EYS: variants seen among roughly 807,000 people sequenced by gnomAD.
EYS encodes the protein protein eyes shut homolog.
A neutral mutation model predicts 282.1 loss-of-function variants in EYS; 250 were observed. The observed-to-expected ratio is 0.89, with a 90% CI of 0.80 to 0.98. The LOEUF (loss-of-function observed/expected upper bound fraction) is 0.98, where lower values mean the gene tolerates loss of function less well. Among genes scored for constraint, EYS ranks in the 50% least tolerant of loss-of-function variants. The pLI is 0.00. For missense variants in EYS, 4,016 were observed against 3,709.0 expected (o/e 1.08, Z -2.15); for synonymous variants, 1,355 against 1,282.9 (o/e 1.06, Z -1.20).
At chr6:64,808,018 T>TTCCTCCCTCCC (rs1764487564) in intron 22 of EYS, among the ~76,000 whole-genome samples, 1 of 148,140 alleles carries the variant, frequency 6.8e-6, no homozygotes, top group African/African-American at 2.5e-5. Context: ...CCCTCCCTCC[T>TTCCTCCCTCCC]TCCTTCCTCC....
At chr6:64,379,466 T>C (rs1772674233) in intron 29 of EYS, 2 of 152,190 alleles carry the variant, frequency 1.3e-5, no homozygotes, top group East Asian at 1.9e-4. Flanking sequence ...TCTATTAACA[T>C]AGAAAAAAGT....
At chr6:64,117,962 T>C (rs1216642055) in intron 31 of EYS, among the ~76,000 whole-genome samples, 2 of 151,728 alleles carry the variant, frequency 1.3e-5, no homozygotes, top group African/African-American at 2.4e-5. Flanking sequence ...GCTATAAAAA[T>C]ACCTAAGACC....
chr6:64,461,682 G>A (rs941895327), intron 26 of EYS, among the ~76,000 whole-genome samples: 4 of 152,106 alleles, frequency 2.6e-5, no homozygotes, highest in Non-Finnish European at 5.9e-5. Flanking sequence ...CTGATCGAGA[G>A]CAATAATTTT....
At chr6:64,961,614 A>C (rs2150106210) in intron 14 of EYS, among the ~76,000 whole-genome samples, 1 of 152,236 alleles carries the variant, frequency 6.6e-6, no homozygotes, top group Middle Eastern at 3.4e-3. Context: ...ATGTTTTTCA[A>C]AAAATGCATG....
chr6:64,073,227 T>A (rs1437259431), intron 32 of EYS, among the ~76,000 whole-genome samples: 1 of 151,906 alleles, frequency 6.6e-6, no homozygotes, highest in Non-Finnish European at 1.5e-5. Flanking sequence ...TAACAACAAT[T>A]CGTGGTTTTA....
chr6:64,968,789 C>T (rs1770188638), intron 14 of EYS, among the ~76,000 whole-genome samples: 1 of 151,984 alleles, frequency 6.6e-6, no homozygotes. Flanking sequence ...GCTTCCCAGA[C>T]TGTTGGCAGT....
At position 64,776,402 on chromosome 6, in the gene EYS, G is replaced by T. The variant is rs377210862; in HGVS notation, c.3443+36976C>A. On this transcript the variant is annotated intron_variant, in intron 22 of 42. Coordinates refer to ENST00000503581, the MANE Select transcript of EYS (RefSeq NM_001142800.2). ...ACGCCAATCTATAACACCAGACAAAGATTTTTCACTGTGCTGCAGGTTTTA... is the reference window on the plus strand; with the variant it reads ...ACGCCAATCTATAACACCAGACAAATATTTTTCACTGTGCTGCAGGTTTTA... Among the ~76,000 whole-genome samples the T allele has an allele frequency of 2.6e-5, 4 of 152,060 alleles. No individual in the cohort carries two copies. In the East Asian group the frequency reaches 5.8e-4, roughly 22 times the overall value.
intron 36 of EYS, chr6:63,857,719 C>T (rs767389496): frequency 2.5e-6 from 1 of 397,104 alleles, no homozygotes; most frequent in Non-Finnish European, 5.1e-6. Context: ...TTTTTGCCAT[C>T]CAATGCTTTG....
At chr6:64,444,593 C>T (rs941039774) in intron 26 of EYS, among the ~76,000 whole-genome samples, 1 of 152,092 alleles carries the variant, frequency 6.6e-6, no homozygotes, top group African/African-American at 2.4e-5. Flanking sequence ...TGAGAGTATG[C>T]TGGATTTATC....
chr6:65,454,855 T>C lies in EYS; in HGVS notation c.862+35739A>G, dbSNP rs935208494. Among the ~76,000 whole-genome samples, 8 of 152,144 alleles carry C rather than the reference T, an allele frequency of 5.3e-5. No homozygotes were observed. The South Asian group carries it at 1.2e-3, about 24-fold the overall frequency. ...TTTCTGGGATCCCTATTGTGTTCCATTGATTCATGTATCTGTTTTTATGCC... is the reference window on the plus strand; with the variant it reads ...TTTCTGGGATCCCTATTGTGTTCCACTGATTCATGTATCTGTTTTTATGCC... On this transcript the variant is annotated intron_variant, in intron 5 of 42. Coordinates refer to ENST00000503581, the MANE Select transcript of EYS (RefSeq NM_001142800.2).
chr6:64,742,545 C>T lies in EYS; in HGVS notation c.3443+70833G>A, dbSNP rs78305459. ...AAGTTTGACTGTACTTAAAACTGAT[C>T]GAGAGAGTAGAATTTATGTTAAATG... On this transcript the variant is annotated intron_variant, in intron 22 of 42. Coordinates refer to ENST00000503581, the MANE Select transcript of EYS (RefSeq NM_001142800.2). Among the ~76,000 whole-genome samples, 823 of 152,056 alleles carry T rather than the reference C, an allele frequency of 5.4e-3. 6 individuals are homozygous for T. Among genetic ancestry groups the T allele is most frequent in the African/African-American group, 0.019 (782 of 41,472 alleles).
intron 13 of EYS, among the ~76,000 whole-genome samples, chr6:65,013,705 T>C (rs1354132588): frequency 6.6e-6 from 1 of 151,956 alleles, no homozygotes; most frequent in Non-Finnish European, 1.5e-5. Flanking sequence ...GTGAGACCCC[T>C]AGAGGTGGTG....
At chr6:64,856,648 T>C (rs773312147) in intron 19 of EYS, among the ~76,000 whole-genome samples, 12 of 152,148 alleles carry the variant, frequency 7.9e-5, no homozygotes, top group Admixed American at 1.3e-4. Context: ...TAAGAGTTAT[T>C]TGTGTATTTT....
At chr6:65,316,972 C>G (rs940740203) in intron 11 of EYS, among the ~76,000 whole-genome samples, 1 of 152,098 alleles carries the variant, frequency 6.6e-6, no homozygotes, top group South Asian at 2.1e-4. Context: ...GAACCAGCAT[C>G]ATTTGTTGAA....
chr6:64,394,838 A>G (rs1773301398), intron 28 of EYS, among the ~76,000 whole-genome samples: 1 of 152,220 alleles, frequency 6.6e-6, no homozygotes. Flanking sequence ...ATCAGAGTGA[A>G]CAGGCAACTG....
intron 1 of EYS, among the ~76,000 whole-genome samples, chr6:65,669,070 TATG>T (rs1051915089): frequency 1.1e-4 from 17 of 152,118 alleles, no homozygotes; most frequent in African/African-American, 3.4e-4. Flanking sequence ...TATATATGGT[TATG>T]ATGTTATCTA....
At chr6:64,306,886 C>T (rs1256364530) in intron 30 of EYS, 84 bp downstream of exon 30, 3 of 722,120 alleles carry the variant, frequency 4.2e-6, no homozygotes, top group Non-Finnish European at 7.2e-6. Flanking sequence ...GTGCAGCCTT[C>T]ATTAGATTAT....
Position 63,739,504 on chromosome 6 carries a change from G to A in EYS, c.8072-12824C>T, listed in dbSNP as rs564217002. Among the ~76,000 whole-genome samples, 3 of 152,230 alleles carry A rather than the reference G, an allele frequency of 2.0e-5. No individual in the cohort carries two copies. The South Asian group carries it at 6.2e-4, about 32-fold the overall frequency. Reference sequence around the variant, plus strand: ...AGGTGGTGTAACCTTGGACAAGGCAGCTCTCTTCAGTCCTCGTGAGGGACT... The same window carrying A: ...AGGTGGTGTAACCTTGGACAAGGCAACTCTCTTCAGTCCTCGTGAGGGACT... On this transcript the variant is annotated intron_variant, in intron 41 of 42. Coordinates refer to ENST00000503581, the MANE Select transcript of EYS (RefSeq NM_001142800.2).
chr6:65,221,854 C>A (rs841547), intron 12 of EYS, among the ~76,000 whole-genome samples: 57,122 of 151,976 alleles, frequency 0.38, 11,702 homozygotes, highest in African/African-American at 0.54. Context: ...CTGAGGCCAT[C>A]GGAACCCACC....
Sources: gnomAD v4.1 joint callset for allele counts (sites outside exome capture counted in the v4.1 genomes callset) on GRCh38, gnomAD v4.1.1 for gene constraint, MANE v1.5 for transcripts, NCBI Gene and HGNC (gene_info 2026-07-23, HGNC 2026-07-21) for gene names.